The following DAB2IP variants were observed in gnomAD, a reference collection of about 807,000 sequenced individuals.
DAB2IP encodes the protein disabled homolog 2-interacting protein.
Under a neutral mutation model 107.2 loss-of-function variants are expected in DAB2IP, and 28 were observed. The observed-to-expected ratio is 0.26, with a 90% CI of 0.19 to 0.36. The LOEUF (loss-of-function observed/expected upper bound fraction) is 0.36. DAB2IP is among the 10% of genes least tolerant of loss of function. The pLI is 1.00. For missense variants in DAB2IP, 1,400 were observed against 1,644.7 expected (o/e 0.85, Z 2.57); for synonymous variants, 755 against 706.4 (o/e 1.07, Z -1.09).
rs543302414 is a variant in DAB2IP at position 121,580,052 on chromosome 9, G to A, written c.40+12824G>A. Among the ~76,000 whole-genome samples the A allele has an allele frequency of 1.7e-3, 261 of 152,264 alleles. 1 individual carries two copies. Among genetic ancestry groups the A allele is most frequent in the South Asian group, 2.9e-3 (14 of 4,824 alleles). ...TTGGATTCAGTTTAGTCTAAAGGAGGCCTGGGCAATGGAATGTATAAACCC... is the reference window on the plus strand; with the variant it reads ...TTGGATTCAGTTTAGTCTAAAGGAGACCTGGGCAATGGAATGTATAAACCC... On this transcript the variant is annotated intron_variant, in intron 1 of 16. Transcript: ENST00000259371.
At chr9:121,718,652 TA>T (rs897232056) in intron 3 of DAB2IP, among the ~76,000 whole-genome samples, 29 of 152,326 alleles carry the variant, frequency 1.9e-4, no homozygotes, top group African/African-American at 7.0e-4. Context: ...AAATGGGGGA[TA>T]GTATCAGTTC....
intron 3 of DAB2IP, among the ~76,000 whole-genome samples, chr9:121,716,349 T>C (rs558882167): frequency 6.6e-6 from 1 of 152,336 alleles, no homozygotes; most frequent in African/African-American, 2.4e-5. Flanking sequence ...AGGCAGGAAC[T>C]TGGCCTGGGA....
intron 3 of DAB2IP, among the ~76,000 whole-genome samples, chr9:121,718,520 C>A (rs781037753): frequency 1.4e-4 from 21 of 152,182 alleles, no homozygotes; most frequent in Non-Finnish European, 2.4e-4. Flanking sequence ...CACCCACTCC[C>A]CTGAGCCACC....
intron 14 of DAB2IP, among the ~76,000 whole-genome samples, chr9:121,780,802 C>T (rs1303003178): frequency 6.6e-6 from 1 of 152,164 alleles, no homozygotes; most frequent in African/African-American, 2.4e-5. Context: ...ACTGAGCTTC[C>T]GCGGGTGGTA....
chr9:121,745,321 TCAG>T (rs1402072318), intron 3 of DAB2IP, among the ~76,000 whole-genome samples: 3 of 152,154 alleles, frequency 2.0e-5, no homozygotes, highest in Admixed American at 6.5e-5. Context: ...CAGGAGGAAC[TCAG>T]CAGCCACACT....
chr9:121,741,771 C>A (rs1832366770), intron 3 of DAB2IP, among the ~76,000 whole-genome samples: 1 of 151,240 alleles, frequency 6.6e-6, no homozygotes, highest in South Asian at 2.2e-4. Context: ...GGGGCAGCTT[C>A]CTTCACCCCA....
intron 1 of DAB2IP, among the ~76,000 whole-genome samples, chr9:121,656,012 CTT>C (rs1326103532): frequency 2.1e-5 from 3 of 142,072 alleles, no homozygotes; most frequent in East Asian, 2.0e-4. Flanking sequence ...GGGACCCTGG[CTT>C]TTTTTTTTTT....
In DAB2IP at chr9:121,736,729, G is replaced by T. The variant is rs1831954757; in HGVS notation, c.363-20284G>T. The stretch of plus-strand genomic sequence containing the variant: ...CCCGCTCCTGCCTTCCACTGCTCTG[G>T]CTGACCTGGCTCAGACCAGCTTGAA... On this transcript the variant is annotated intron_variant, in intron 3 of 15. Coordinates refer to ENST00000408936, the Ensembl canonical transcript of DAB2IP. This position sits in a 1 kb window ranked among gnomAD's most constrained non-coding sequence, Gnocchi z 4.6. Among the ~76,000 whole-genome samples, 1 of 152,232 alleles carries T rather than the reference G, an allele frequency of 6.6e-6. No individual in the cohort carries two copies. Among genetic ancestry groups the T allele is most frequent in the Admixed American group, 6.5e-5 (1 of 15,288 alleles).
chr9:121,766,815 TGAGCA>T, intron 9 of DAB2IP, 85 bp downstream of exon 9: 2 of 1,371,624 alleles, frequency 1.5e-6, no homozygotes, highest in South Asian at 2.5e-5. Context: ...GCCCCCAAGC[TGAGCA>T]GAGACCATAA....
At chr9:121,744,601 A>G (rs1304357727) in intron 3 of DAB2IP, among the ~76,000 whole-genome samples, 1 of 152,180 alleles carries the variant, frequency 6.6e-6, no homozygotes, top group Non-Finnish European at 1.5e-5. Flanking sequence ...GGCTTCCTGT[A>G]GTTACTTAAA....
At chr9:121,744,029 G>A (rs962021095) in intron 3 of DAB2IP, among the ~76,000 whole-genome samples, 87 of 152,324 alleles carry the variant, frequency 5.7e-4, no homozygotes, top group African/African-American at 2.0e-3. Context: ...CCCAGGCGCG[G>A]TGTCCCCTGT....
intron 3 of DAB2IP, among the ~76,000 whole-genome samples, chr9:121,738,241 C>T (rs1416660327): frequency 6.6e-6 from 1 of 152,114 alleles, no homozygotes; most frequent in Non-Finnish European, 1.5e-5. Flanking sequence ...TAGCCAGAGG[C>T]TCCCAGCACA....
At chr9:121,667,384 C>T (rs565242941) in intron 1 of DAB2IP, among the ~76,000 whole-genome samples, 2 of 152,164 alleles carry the variant, frequency 1.3e-5, no homozygotes, top group African/African-American at 2.4e-5. Context: ...GCCCCTCCCT[C>T]GGGGAGCACT....
Position 121,782,265 on chromosome 9 carries a change from T to G in DAB2IP, c.3403-66T>G. ...AGGCCACCCCCTTCCCCGATGCTTG[T>G]CGTAGGTATACACAGCCCTAAGGAG... On this transcript the variant is annotated intron_variant, in intron 15 of 15. Transcript: ENST00000408936. This position sits in a 1 kb window ranked among gnomAD's most constrained non-coding sequence, Gnocchi z 6.1. The G allele has an allele frequency of 3.2e-6, 5 of 1,548,734 alleles. No homozygotes were observed. The highest frequency in any genetic ancestry group is 3.5e-6 in the Non-Finnish European group (4 of 1,141,176).
chr9:121,630,968 A>G (rs1831855567), intron 1 of DAB2IP, among the ~76,000 whole-genome samples: 1 of 152,200 alleles, frequency 6.6e-6, no homozygotes, highest in African/African-American at 2.4e-5. Context: ...CTAGAGCCCA[A>G]AGGGCCCATG....
At chr9:121,577,660 C>T (rs1054394805) in intron 1 of DAB2IP, among the ~76,000 whole-genome samples, 13 of 152,084 alleles carry the variant, frequency 8.5e-5, no homozygotes, top group Non-Finnish European at 1.5e-4. Flanking sequence ...GCAGCCCTGC[C>T]CAAGACCCTC....
At chr9:121,751,085 G>A in intron 3 of DAB2IP, 1 of 215,578 alleles carries the variant, frequency 4.6e-6, no homozygotes, top group South Asian at 5.3e-5. Context: ...ACCTTTCCCT[G>A]CTGCCCGGCT....
intron 3 of DAB2IP, among the ~76,000 whole-genome samples, chr9:121,755,947 G>T (rs1833448905): frequency 6.6e-6 from 1 of 152,188 alleles, no homozygotes; most frequent in Non-Finnish European, 1.5e-5. Flanking sequence ...GGAACCAGGA[G>T]CCAAAGGGCA....
rs1347533794 is a variant in DAB2IP at position 121,699,490 on chromosome 9, G to A, written c.362+32G>A. ...CCGCCGCCGCCGCCCGGTCCCCCGCGCCGCCGCCCCGGGCTGCGCCCCTGA... is the reference window on the plus strand; with the variant it reads ...CCGCCGCCGCCGCCCGGTCCCCCGCACCGCCGCCCCGGGCTGCGCCCCTGA... On this transcript the variant is annotated intron_variant, in intron 3 of 15. Coordinates refer to ENST00000408936, the Ensembl canonical transcript of DAB2IP. The surrounding 1 kb of genome is among the most constrained non-coding windows in gnomAD (Gnocchi z 6.2). 4 of 1,262,680 alleles carry A rather than the reference G, an allele frequency of 3.2e-6. No individual in the cohort carries two copies. The highest frequency in any genetic ancestry group is 2.5e-5 in the South Asian group (1 of 40,590). 78.2% of individuals were successfully genotyped at this position (1,262,680 alleles called of 1,614,324 possible). A position where few individuals can be genotyped will look rare whatever the true frequency, so the allele number is the denominator to read the frequency against.
Sources: gnomAD v4.1 joint callset for allele counts (sites outside exome capture counted in the v4.1 genomes callset) on GRCh38, gnomAD v4.1.1 for gene constraint, Gnocchi (gnomAD v3.1) non-coding constraint, MANE v1.5 for transcripts, NCBI Gene and HGNC (gene_info 2026-07-23, HGNC 2026-07-21) for gene names.